The following MALRD1 variants were observed in gnomAD, a reference collection of about 807,000 sequenced individuals.
MALRD1 encodes the protein MAM and LDL receptor class A domain containing 1, also known as MAM and LDL-receptor class A domain-containing protein 1.
MALRD1 carries 247 observed loss-of-function variants against 242.1 expected under a neutral mutation model. That is an observed-to-expected ratio of 1.02 (90% confidence interval 0.92 to 1.13). The LOEUF is 1.13. Among genes scored for constraint, MALRD1 ranks in the 50% most tolerant of loss-of-function variants. The pLI is 0.00. For missense variants in MALRD1, 2,989 were observed against 2,533.1 expected (o/e 1.18, Z -3.86); for synonymous variants, 995 against 866.6 (o/e 1.15, Z -2.60).
At chr10:19,273,060 C>G (rs756924332) in intron 19 of MALRD1, among the ~76,000 whole-genome samples, 19 of 151,954 alleles carry the variant, frequency 1.3e-4, no homozygotes, top group Admixed American at 6.6e-4. Context: ...AATGGGATTC[C>G]TGGGTCAAAT....
At chr10:19,317,239 G>T (rs865862838) in intron 21 of MALRD1, among the ~76,000 whole-genome samples, 1 of 151,830 alleles carries the variant, frequency 6.6e-6, no homozygotes, top group Admixed American at 6.6e-5. Context: ...TTGCTGAGAG[G>T]TTTCTTATTT....
intron 36 of MALRD1, among the ~76,000 whole-genome samples, chr10:19,648,838 C>T (rs997367774): frequency 1.4e-4 from 21 of 152,086 alleles, no homozygotes; most frequent in South Asian, 4.2e-4. Context: ...TATTTCATCA[C>T]CCAGGTATAA....
At chr10:19,070,315 T>A (rs1233352306) in intron 2 of MALRD1, among the ~76,000 whole-genome samples, 1 of 152,170 alleles carries the variant, frequency 6.6e-6, no homozygotes, top group East Asian at 1.9e-4. Context: ...AGCCTACGGT[T>A]GGGTCAAATC....
At chr10:19,585,721 G>T (rs1359470425) in intron 33 of MALRD1, among the ~76,000 whole-genome samples, 2 of 152,040 alleles carry the variant, frequency 1.3e-5, no homozygotes, top group East Asian at 3.9e-4. Flanking sequence ...TGCTCTTCTC[G>T]AGGAGTATCT....
At chr10:19,404,706 G>C (rs549395483) in intron 28 of MALRD1, among the ~76,000 whole-genome samples, 25 of 152,118 alleles carry the variant, frequency 1.6e-4, no homozygotes, top group African/African-American at 6.0e-4. Context: ...CACTCATTTT[G>C]CACACACATA....
At chr10:19,723,299 AC>A (rs1834856352) in intron 38 of MALRD1, among the ~76,000 whole-genome samples, 1 of 152,202 alleles carries the variant, frequency 6.6e-6, no homozygotes, top group Non-Finnish European at 1.5e-5. Flanking sequence ...CTAATTTCAG[AC>A]AGTATGATTC....
chr10:19,459,294 A>T (rs1835819203), intron 29 of MALRD1, among the ~76,000 whole-genome samples: 1 of 152,186 alleles, frequency 6.6e-6, no homozygotes, highest in Non-Finnish European at 1.5e-5. Context: ...ACCCTCAGTG[A>T]ATAAAGTTGA....
intron 19 of MALRD1, among the ~76,000 whole-genome samples, chr10:19,279,010 A>C (rs1463432879): frequency 6.6e-6 from 1 of 152,086 alleles, no homozygotes; most frequent in Non-Finnish European, 1.5e-5. Context: ...CCAGAGTTGG[A>C]CACTGCACTC....
At chr10:19,355,859 T>TATATATATATATATATATATATAC (rs1348787430) in intron 26 of MALRD1, among the ~76,000 whole-genome samples, 1,517 of 17,912 alleles carry the variant, frequency 0.085, 55 homozygotes, top group Middle Eastern at 0.1. Context: ...ATATATATAT[T>TATATATATATATATATATATATAC]ATATATGATA....
intron 34 of MALRD1, among the ~76,000 whole-genome samples, chr10:19,606,402 A>G (rs769682443): frequency 6.6e-6 from 1 of 152,118 alleles, no homozygotes; most frequent in African/African-American, 2.4e-5. Context: ...TCAGAGGAAA[A>G]CAAAGCTGTT....
At chr10:19,388,608 T>C (rs1293837704) in intron 27 of MALRD1, among the ~76,000 whole-genome samples, 1 of 152,182 alleles carries the variant, frequency 6.6e-6, no homozygotes, top group Non-Finnish European at 1.5e-5. Flanking sequence ...GAAAAGAGTT[T>C]GAAACCTATA....
chr10:19,269,278 G>A (rs906168785), intron 19 of MALRD1, among the ~76,000 whole-genome samples: 4 of 151,898 alleles, frequency 2.6e-5, no homozygotes, highest in African/African-American at 9.7e-5. Flanking sequence ...ATTAGGTCAT[G>A]AGGATGAGGT....
intron 28 of MALRD1, among the ~76,000 whole-genome samples, chr10:19,444,260 C>A (rs1257030846): frequency 6.6e-6 from 1 of 152,136 alleles, no homozygotes; most frequent in African/African-American, 2.4e-5. Context: ...GACTCTTTAT[C>A]CAATTTGCCA....
At chr10:19,386,490 C>A (rs1470710846) in intron 26 of MALRD1, among the ~76,000 whole-genome samples, 1 of 151,952 alleles carries the variant, frequency 6.6e-6, no homozygotes, top group Non-Finnish European at 1.5e-5. Context: ...GATTTCTAAA[C>A]AACTTTTTCT....
At chr10:19,241,438 T>G (rs954298445) in intron 18 of MALRD1, among the ~76,000 whole-genome samples, 6 of 152,114 alleles carry the variant, frequency 3.9e-5, no homozygotes, top group Non-Finnish European at 8.8e-5. Flanking sequence ...TTTCATCTTT[T>G]ATTTATTTGA....
chr10:19,174,620 A>C (rs890896135), intron 13 of MALRD1, among the ~76,000 whole-genome samples: 1 of 152,098 alleles, frequency 6.6e-6, no homozygotes, highest in African/African-American at 2.4e-5. Flanking sequence ...AAAACAAATT[A>C]TATCAGTCAT....
In MALRD1 at chr10:19,719,223, C is replaced by CATATATATATATATAT. The variant is rs368394538; in HGVS notation, c.6315-11462_6315-11447dup. On this transcript the variant is annotated intron_variant, in intron 38 of 39. Coordinates refer to ENST00000454679, the MANE Select transcript of MALRD1 (RefSeq NM_001142308.3). ...ATATATATATATATACACATACATA[C>CATATATATATATATAT]ATATATATATATATATATATATATA... Among the ~76,000 whole-genome samples, 224 of 76,314 alleles carry CATATATATATATATAT rather than the reference C, an allele frequency of 2.9e-3. 8 individuals carry two copies. The highest frequency in any genetic ancestry group is 4.1e-3 in the African/African-American group (71 of 17,122). 50.1% of individuals were successfully genotyped at this position (76,314 alleles called of 152,430 possible).
intron 36 of MALRD1, among the ~76,000 whole-genome samples, chr10:19,648,371 A>T (rs1469238488): frequency 6.6e-6 from 1 of 152,128 alleles, no homozygotes; most frequent in Non-Finnish European, 1.5e-5. Flanking sequence ...ATTACAACAA[A>T]GACTAAAATC....
At chr10:19,047,093 G>C (rs1834355878), upstream of MALRD1, among the ~76,000 whole-genome samples, 1 of 152,108 alleles carries the variant, frequency 6.6e-6, no homozygotes, top group Non-Finnish European at 1.5e-5. Context: ...TCTAAGACTA[G>C]GAAATGAGTT....
Sources: allele counts gnomAD v4.1 joint callset (sites outside exome capture counted in the v4.1 genomes callset), GRCh38; gene constraint gnomAD v4.1.1; transcripts MANE v1.5; gene names NCBI Gene and HGNC (gene_info 2026-07-23, HGNC 2026-07-21).